STARD9: variants seen among roughly 807,000 people sequenced by gnomAD.
The protein encoded by STARD9 is StAR related lipid transfer domain containing 9, also known as stAR-related lipid transfer protein 9.
In STARD9, 346 loss-of-function variants were observed where a neutral mutation model predicts 399.8. The observed-to-expected ratio is 0.87, with a 90% confidence interval of 0.79 to 0.95. STARD9 has a LOEUF of 0.95. Among genes scored for constraint, STARD9 ranks in the 40% least tolerant of loss-of-function variants. The probability of loss-of-function intolerance (pLI) is 0.00; values close to 1 mark genes in which losing one functional copy is unlikely to be tolerated. For synonymous variants in STARD9, 2,203 were observed against 2,143.5 expected (o/e 1.03, Z -0.77); for missense variants, 5,832 against 5,667.5 (o/e 1.03, Z -0.93).
In STARD9 at chr15:42,717,057, C is replaced by T; in HGVS notation, c.13494+9C>T. 6.5e-7 allele frequency: 1 copy of T among 1,537,128 alleles called. No homozygotes were observed. Among genetic ancestry groups the T allele is most frequent in the Non-Finnish European group, 8.7e-7 (1 of 1,146,848 alleles). On this transcript the variant is annotated intron_variant, in intron 28 of 32. Transcript: ENST00000290607. ...ACACTTCTATGGCTGATGTGAGTAACTGCTCCCACCCATCCCTACCATTCC... is the reference window on the plus strand; with the variant it reads ...ACACTTCTATGGCTGATGTGAGTAATTGCTCCCACCCATCCCTACCATTCC...
At chr15:42,714,937 A>G (rs2061323504) in intron 26 of STARD9, among the ~76,000 whole-genome samples, 2 of 152,140 alleles carry the variant, frequency 1.3e-5, no homozygotes, top group East Asian at 3.8e-4. Context: ...TCAGTATCCA[A>G]TAATTTTTGG....
chr15:42,578,449 C>T (rs2058101072), intron 1 of STARD9, among the ~76,000 whole-genome samples: 1 of 152,066 alleles, frequency 6.6e-6, no homozygotes, highest in South Asian at 2.1e-4. Flanking sequence ...GTTTTGATGT[C>T]CTCCCCTCTA....
At chr15:42,706,241 GTC>G (rs1464147518) in intron 26 of STARD9, among the ~76,000 whole-genome samples, 4 of 152,050 alleles carry the variant, frequency 2.6e-5, no homozygotes. Flanking sequence ...TTCTTCATAT[GTC>G]TCTCACATTT....
At chr15:42,625,772 G>T (rs2059194288) in intron 3 of STARD9, among the ~76,000 whole-genome samples, 1 of 151,446 alleles carries the variant, frequency 6.6e-6, no homozygotes, top group South Asian at 2.1e-4. Context: ...CTGTGGGAAG[G>T]TATTAAGGGC....
chr15:42,663,700 C>T, intron 12 of STARD9, 120 bp from the exon 13 acceptor site: 1 of 869,606 alleles, frequency 1.1e-6, no homozygotes, highest in East Asian at 2.7e-5. Flanking sequence ...GGGCCATGAC[C>T]ACCTAGGTTT....
chr15:42,642,713 T>G (rs985765343), intron 7 of STARD9, among the ~76,000 whole-genome samples: 5 of 152,226 alleles, frequency 3.3e-5, no homozygotes, highest in African/African-American at 1.2e-4. Context: ...CATTTTACCA[T>G]TAAGTAATAT....
At position 42,688,148 on chromosome 15, in the gene STARD9, C is replaced by G. The variant is rs2140253806; in HGVS notation, c.6570C>G (p.Cys2190Trp). 1 of 1,537,376 alleles carries G rather than the reference C, an allele frequency of 6.5e-7. No individual in the cohort carries two copies. The highest frequency in any genetic ancestry group is 2.4e-5 in the East Asian group (1 of 40,918). The change falls in exon 23 of 33, where the codon TGC becomes TGG. Residue 2190 changes from cysteine (C) to tryptophan (W), a missense_variant. By Grantham distance (215) the Cys-to-Trp change is radical. This residue lies in a region of STARD9 where 5,828 missense variants were observed against 5,651.1 expected (regional missense o/e 1.03). Transcript: ENST00000290607. ...ICDSLGKHTTCREFTNTSLHP... is the reference protein window; with the variant it reads ...ICDSLGKHTTWREFTNTSLHP... ...ATTCTTTAGGGAAACACACAACTTG[C>G]AGAGAGTTCACCAACACTTCTCTTC...
At position 42,691,819 on chromosome 15, in the gene STARD9, C is replaced by T. The variant is rs1310457972; in HGVS notation, c.10241C>T (p.Ser3414Leu). The T allele has an allele frequency of 6.5e-7, 1 of 1,537,296 alleles. No homozygotes were observed. Among genetic ancestry groups the T allele is most frequent in the South Asian group, 1.2e-5 (1 of 84,064 alleles). ...CCTTATCCAATGCCTTCCACTCTCT[C>T]ACACATGCCAACCCCTGATTTCACG... The part of the protein sequence containing the change: ...TPPYPMPSTL[S>L]HMPTPDFTTS... The change falls in exon 23 of 33, where the codon TCA (serine) becomes TTA (leucine). Residue 3414 changes from serine to leucine, a missense_variant. Ser to Leu is a moderately radical substitution (Grantham distance 145). Coordinates refer to ENST00000290607, the MANE Select transcript of STARD9 (RefSeq NM_020759.3).
chr15:42,663,786 T>G (rs2060035565), intron 12 of STARD9, 34 bp from the exon 13 acceptor site: 7 of 1,430,020 alleles, frequency 4.9e-6, no homozygotes, highest in Non-Finnish European at 6.7e-6. Context: ...ATGGATGGGC[T>G]GGCATGTTTT....
Position 42,688,316 on chromosome 15 carries a change from G to T in STARD9, c.6738G>T (p.Leu2246Phe), listed in dbSNP as rs1288216744. 6.5e-7 allele frequency: 1 copy of T among 1,537,452 alleles called. No individual in the cohort carries two copies. The highest frequency in any genetic ancestry group is 8.7e-7 in the Non-Finnish European group (1 of 1,146,984). ...QPWGLGSLEE[L>F]ETVKGFQESQ... Reference sequence around the variant, plus strand: ...GGGGCTTAGGAAGTCTTGAGGAATTGGAGACTGTGAAAGGTTTTCAGGAAA... The same window carrying T: ...GGGGCTTAGGAAGTCTTGAGGAATTTGAGACTGTGAAAGGTTTTCAGGAAA... The change falls in exon 23 of 33, where the codon TTG becomes TTT. Residue 2246 changes from leucine to phenylalanine, a missense_variant. This residue lies in a region of STARD9 where 5,828 missense variants were observed against 5,651.1 expected (regional missense o/e 1.03). Transcript: ENST00000290607.
In STARD9 at chr15:42,690,657, C is replaced by T. The variant is rs1346286437; in HGVS notation, c.9079C>T (p.Pro3027Ser). 3.9e-6 allele frequency: 6 copies of T among 1,537,162 alleles called. No individual in the cohort carries two copies. Among genetic ancestry groups the T allele is most frequent in the Non-Finnish European group, 4.4e-6 (5 of 1,146,892 alleles). Residue 3027 changes from proline (P) to serine (S), a missense_variant, in exon 23 of 33, where the codon CCC becomes TCC. Transcript: ENST00000290607. Reference protein sequence around the residue: ...PDVHLTHGLEPKDVNREFRLT... With the variant: ...PDVHLTHGLESKDVNREFRLT... Reference sequence around the variant, plus strand: ...TGTGCACTTGACACATGGCCTTGAGCCCAAAGATGTTAACAGGGAATTTAG... The same window carrying T: ...TGTGCACTTGACACATGGCCTTGAGTCCAAAGATGTTAACAGGGAATTTAG...
chr15:42,702,932 C>A (rs1474127646), intron 26 of STARD9, among the ~76,000 whole-genome samples: 1 of 152,012 alleles, frequency 6.6e-6, no homozygotes, highest in East Asian at 1.9e-4. Flanking sequence ...TTGTTATTTG[C>A]TTGTTTTCTT....
chr15:42,650,989 C>T, intron 7 of STARD9, 27 bp from the exon 8 acceptor site: 1 of 1,457,408 alleles, frequency 6.9e-7, no homozygotes. Flanking sequence ...CATTTAATTT[C>T]TTTTTTCCGT....
At chr15:42,616,479 C>T (rs2058964283) in intron 3 of STARD9, among the ~76,000 whole-genome samples, 1 of 152,190 alleles carries the variant, frequency 6.6e-6, no homozygotes, top group African/African-American at 2.4e-5. Flanking sequence ...ATTTGCCTTT[C>T]CTGATAACTC....
At chr15:42,711,696 T>A (rs2061227253) in intron 26 of STARD9, among the ~76,000 whole-genome samples, 1 of 152,182 alleles carries the variant, frequency 6.6e-6, no homozygotes, top group African/African-American at 2.4e-5. Flanking sequence ...ATTATATGAA[T>A]AAACCACATT....
chr15:42,679,092 G>T (rs1476733652), intron 20 of STARD9, among the ~76,000 whole-genome samples: 1 of 152,210 alleles, frequency 6.6e-6, no homozygotes, highest in African/African-American at 2.4e-5. Flanking sequence ...CAGACAAGGA[G>T]ACTGAGTAAT....
In STARD9 at chr15:42,638,793, G is replaced by T. The variant is rs1439218507; in HGVS notation, c.540G>T (p.Glu180Asp). The T allele has an allele frequency of 2.0e-6, 3 of 1,534,850 alleles. No homozygotes were observed. The highest frequency in any genetic ancestry group is 2.0e-5 in the Admixed American group (1 of 50,770). Residue 180 changes from glutamate to aspartate, a missense_variant, in exon 7 of 33, where the codon GAG becomes GAT. Coordinates refer to ENST00000290607, the MANE Select transcript of STARD9 (RefSeq NM_020759.3). ...SYTLRVREHP[E>D]MGPYVQGLSQ... ...CCCTGCGGGTCAGGGAGCATCCAGA[G>T]ATGGGGCCCTATGTACAAGGTGAGC... is the stretch of plus-strand genomic sequence containing the variant.
chr15:42,718,564 G>T (rs993126969), intron 31 of STARD9, 50 bp downstream of exon 31: 2 of 1,513,858 alleles, frequency 1.3e-6, no homozygotes, highest in African/African-American at 2.8e-5. Context: ...GGGCTGAAGT[G>T]TCGTGAGAAA....
intron 4 of STARD9, among the ~76,000 whole-genome samples, chr15:42,635,954 G>C (rs1334691728): frequency 1.3e-5 from 2 of 152,268 alleles, no homozygotes; most frequent in Middle Eastern, 3.4e-3. Flanking sequence ...AGAAAATCAG[G>C]AGGGCAGAGT....
Sources: gnomAD v4.1 joint callset for allele counts (sites outside exome capture counted in the v4.1 genomes callset) on GRCh38, gnomAD v4.1.1 for gene constraint, gnomAD v4.1.1 regional missense constraint, MANE v1.5 for transcripts, NCBI Gene and HGNC (gene_info 2026-07-23, HGNC 2026-07-21) for gene names.